The following ADAM19 variants were observed in gnomAD, a reference collection of about 807,000 sequenced individuals.
The protein encoded by ADAM19 is disintegrin and metalloproteinase domain-containing protein 19.
ADAM19 carries 65 observed loss-of-function variants against 114.7 expected under a neutral mutation model. That is an observed-to-expected ratio of 0.57 (90% CI 0.46 to 0.70). The LOEUF is 0.70. ADAM19 is among the 30% of genes least tolerant of loss of function. The pLI, the probability that ADAM19 is intolerant of heterozygous loss-of-function variation, is 0.00. For synonymous variants in ADAM19, 466 were observed against 460.5 expected (o/e 1.01, Z -0.15); for missense variants, 1,063 against 1,204.7 (o/e 0.88, Z 1.74).
At chr5:157,518,674 G>A (rs766591739) in intron 7 of ADAM19, 149 bp downstream of exon 7, 41 of 765,140 alleles carry the variant, frequency 5.4e-5, no homozygotes, top group African/African-American at 3.1e-4. Flanking sequence ...GTGAGCCGCC[G>A]CGCCCAGCCT....
In ADAM19 at chr5:157,480,792, C is replaced by G; in HGVS notation, c.*157G>C. The G allele has an allele frequency of 6.8e-7, 1 of 1,466,050 alleles. No individual in the cohort carries two copies. Among genetic ancestry groups the G allele is most frequent in the Non-Finnish European group, 9.0e-7 (1 of 1,115,014 alleles). 90.8% of individuals were successfully genotyped at this position (1,466,050 alleles called of 1,614,324 possible). On this transcript the variant is annotated 3_prime_UTR_variant, in exon 23 of 23. Transcript: ENST00000257527. ...GGCTTCCAAGGAAGCCGAGGAGGCA[C>G]TGAGTCAACAGGGAGATTTTTGGAG...
At position 157,480,356 on chromosome 5, in the gene ADAM19, A is replaced by T; in HGVS notation, c.*593T>A. ...AATACAGGGATGCAGGGGTTTGGGGAGAGGTGGGAGGGGACGTGGCTTGTC... is the reference window on the plus strand; with the variant it reads ...AATACAGGGATGCAGGGGTTTGGGGTGAGGTGGGAGGGGACGTGGCTTGTC... On this transcript the variant is annotated 3_prime_UTR_variant, in exon 23 of 23. Transcript: ENST00000257527. 1 of 987,330 alleles carries T rather than the reference A, an allele frequency of 1.0e-6. No individual in the cohort carries two copies. Among genetic ancestry groups the T allele is most frequent in the Non-Finnish European group, 1.2e-6 (1 of 831,370 alleles). The allele number at this position is 987,330 out of a possible 1,614,324, so 61.2% of individuals were successfully genotyped here.
chr5:157,527,298 C>A (rs1004636550), intron 5 of ADAM19, among the ~76,000 whole-genome samples: 4 of 152,116 alleles, frequency 2.6e-5, no homozygotes, highest in African/African-American at 9.7e-5. Flanking sequence ...GCAAGCTCCG[C>A]CTCCCGGGTT....
At position 157,493,183 on chromosome 5, in the gene ADAM19, C is replaced by T; in HGVS notation, c.1704-6G>A. ...TCTTCCCACACTTCGCATCTCTGGG[C>T]ACAAGAGACAGAGAGGGAAGGAAGC... On this transcript the variant is annotated splice_region_variant and splice_polypyrimidine_tract_variant and intron_variant, in intron 15 of 22. Coordinates refer to ENST00000257527, the MANE Select transcript of ADAM19 (RefSeq NM_033274.5). The T allele has an allele frequency of 6.2e-7, 1 of 1,611,734 alleles. No individual in the cohort carries two copies. The highest frequency in any genetic ancestry group is 8.5e-7 in the Non-Finnish European group (1 of 1,177,988).
At chr5:157,534,392 C>T (rs1274308701) in intron 4 of ADAM19, among the ~76,000 whole-genome samples, 4 of 152,154 alleles carry the variant, frequency 2.6e-5, no homozygotes, top group South Asian at 2.1e-4. Context: ...TGCTTGAATC[C>T]GGGAGGCAGA....
At chr5:157,495,933 C>CTTTTT (rs57078206) in intron 14 of ADAM19, among the ~76,000 whole-genome samples, 2 of 75,878 alleles carry the variant, frequency 2.6e-5, no homozygotes, top group Non-Finnish European at 4.8e-5. Flanking sequence ...TGTGCCCAGT[C>CTTTTT]TTTTTTTTTT....
At chr5:157,481,062 A>G (rs1561836997) in intron 22 of ADAM19, 60 bp from the exon 23 acceptor site, 1 of 1,610,026 alleles carries the variant, frequency 6.2e-7, no homozygotes, top group Non-Finnish European at 8.5e-7. Flanking sequence ...AATGGGATCA[A>G]GGGGGCAGCC....
At chr5:157,527,518 A>T (rs1756506570) in intron 5 of ADAM19, among the ~76,000 whole-genome samples, 1 of 152,178 alleles carries the variant, frequency 6.6e-6, no homozygotes, top group African/African-American at 2.4e-5. Flanking sequence ...CCAGAAACTG[A>T]CACTTTTAAA....
At chr5:157,519,009 C>T (rs1175383863) in intron 6 of ADAM19, 121 bp from the exon 7 acceptor site, 12 of 821,380 alleles carry the variant, frequency 1.5e-5, no homozygotes, top group African/African-American at 1.7e-5. Flanking sequence ...TTTTGTCATT[C>T]GGCACTAGAG....
In ADAM19 at chr5:157,480,828, T is replaced by C; in HGVS notation, c.*121A>G. ...GGGAGATTTTTGGAGATGTGGAGGT[T>C]CCTGGAGGAGGGTGGGAGGAGCTCA... On this transcript the variant is annotated 3_prime_UTR_variant, in exon 23 of 23. Coordinates refer to ENST00000257527, the MANE Select transcript of ADAM19 (RefSeq NM_033274.5). The C allele has an allele frequency of 6.5e-7, 1 of 1,526,828 alleles. No individual in the cohort carries two copies. Among genetic ancestry groups the C allele is most frequent in the Non-Finnish European group, 8.8e-7 (1 of 1,141,432 alleles). The allele number at this position is 1,526,828 out of a possible 1,614,324, so 94.6% of individuals were successfully genotyped here.
intron 5 of ADAM19, among the ~76,000 whole-genome samples, chr5:157,526,655 T>C (rs1371442987): frequency 2.6e-5 from 4 of 151,894 alleles, no homozygotes; most frequent in Non-Finnish European, 5.9e-5. Context: ...GGGTCTTGCT[T>C]TGTCGCCCAA....
intron 3 of ADAM19, among the ~76,000 whole-genome samples, chr5:157,553,712 C>T (rs1757268072): frequency 6.6e-6 from 1 of 151,790 alleles, no homozygotes; most frequent in African/African-American, 2.4e-5. Flanking sequence ...TTTGTAATAA[C>T]AAGAAATCAG....
At chr5:157,522,018 G>A (rs1187816835) in intron 5 of ADAM19, among the ~76,000 whole-genome samples, 1 of 152,204 alleles carries the variant, frequency 6.6e-6, no homozygotes, top group African/African-American at 2.4e-5. Context: ...CAACTGATCT[G>A]GCATCACTTG....
intron 3 of ADAM19, 22 bp from the exon 4 acceptor site, chr5:157,538,013 A>G: frequency 3.8e-6 from 6 of 1,592,898 alleles, no homozygotes; most frequent in Non-Finnish European, 5.2e-6. Context: ...AAAAAGAGAC[A>G]TTTATATCAT....
chr5:157,486,391 G>A (rs72809289), intron 21 of ADAM19, among the ~76,000 whole-genome samples: 16 of 152,304 alleles, frequency 1.1e-4, no homozygotes, highest in Middle Eastern at 3.4e-3. Flanking sequence ...CCTGGGACCC[G>A]GGGCCCAGGA....
chr5:157,497,221 T>C, intron 13 of ADAM19, 132 bp from the exon 14 acceptor site: 1 of 814,050 alleles, frequency 1.2e-6, no homozygotes, highest in Non-Finnish European at 1.8e-6. Context: ...ACTTTTTACA[T>C]GACCTCATTA....
chr5:157,514,634 G>A (rs1377143592), intron 7 of ADAM19, among the ~76,000 whole-genome samples: 2 of 152,154 alleles, frequency 1.3e-5, no homozygotes, highest in African/African-American at 4.8e-5. Context: ...GCCGTAATCA[G>A]ACATTTCTAA....
Position 157,502,824 on chromosome 5 carries a change from C to CTCT in ADAM19, c.1284_1286dup (p.Glu429dup). ...TCACCTCTTCTTCTCCACAGTCACA[C>CTCT]TCTTCCCCATCTTCCAGATACCCGT... On this transcript the variant is annotated inframe_insertion, in exon 12 of 23. Coordinates refer to ENST00000257527, the MANE Select transcript of ADAM19 (RefSeq NM_033274.5). 1.9e-6 allele frequency: 3 copies of CTCT among 1,614,216 alleles called. No individual in the cohort carries two copies. The highest frequency in any genetic ancestry group is 2.5e-6 in the Non-Finnish European group (3 of 1,180,028).
chr5:157,572,254 T>C (rs1581364700), intron 1 of ADAM19: 1 of 455,784 alleles, frequency 2.2e-6, no homozygotes, highest in Non-Finnish European at 4.4e-6. Flanking sequence ...CCCGGCTAAT[T>C]TTTTTGTATT....
Sources: allele counts gnomAD v4.1 joint callset (sites outside exome capture counted in the v4.1 genomes callset), GRCh38; gene constraint gnomAD v4.1.1; transcripts MANE v1.5; gene names NCBI Gene and HGNC (gene_info 2026-07-23, HGNC 2026-07-21).